The following LARGE1 variants were observed in gnomAD, a reference collection of about 807,000 sequenced individuals.
LARGE1 encodes xylosyl- and glucuronyltransferase LARGE1.
In LARGE1, 43 loss-of-function variants were observed where a neutral mutation model predicts 87.6. The observed-to-expected ratio is 0.49, with a 90% CI of 0.38 to 0.63. The LOEUF (loss-of-function observed/expected upper bound fraction) is 0.63, where lower values mean the gene tolerates loss of function less well. LARGE1 is among the 30% of genes least tolerant of loss of function. The pLI, the probability that LARGE1 is intolerant of heterozygous loss-of-function variation, is 0.00. For missense variants in LARGE1, 802 were observed against 1,000.2 expected (o/e 0.80, Z 2.67); for synonymous variants, 434 against 394.6 (o/e 1.10, Z -1.18).
intron 7 of LARGE1, among the ~76,000 whole-genome samples, chr22:33,401,070 A>G (rs1189573411): frequency 6.6e-6 from 1 of 151,852 alleles, no homozygotes; most frequent in Non-Finnish European, 1.5e-5. Context: ...TCTCCCTCGC[A>G]CACTCTCGCA....
chr22:33,532,921 A>G (rs1337131358), intron 6 of LARGE1, among the ~76,000 whole-genome samples: 1 of 152,244 alleles, frequency 6.6e-6, no homozygotes, highest in East Asian at 1.9e-4. Flanking sequence ...CCAAAGGGCC[A>G]GTACAGAGCA....
Position 33,304,408 on chromosome 22 carries a change from T to G in LARGE1, c.1551A>C (p.Ala517=). ...GGCTCATAAGCACCTCAGAGCCCTG[T>G]GCGTAGCGGAGGAACTGCTGGGCCT... The part of the protein sequence containing the change: ...DAEAQQFLRY[A]QGSEVLMSRH... The change falls in exon 12 of 15, where the codon GCA becomes GCC. Residue 517 remains alanine (A), a synonymous_variant. Transcript: ENST00000397394. The G allele has an allele frequency of 6.2e-7, 1 of 1,614,246 alleles. No individual in the cohort carries two copies. The highest frequency in any genetic ancestry group is 8.5e-7 in the Non-Finnish European group (1 of 1,180,048).
At chr22:33,717,268 AT>A (rs1384807851) in intron 2 of LARGE1, among the ~76,000 whole-genome samples, 1 of 152,158 alleles carries the variant, frequency 6.6e-6, no homozygotes, top group African/African-American at 2.4e-5. Context: ...TTCTTGCAAT[AT>A]CCAACGAAAC....
At chr22:33,882,048 T>TG (rs1482518402) in intron 1 of LARGE1, among the ~76,000 whole-genome samples, 1 of 150,112 alleles carries the variant, frequency 6.7e-6, no homozygotes, top group Non-Finnish European at 1.5e-5. Flanking sequence ...TTTTTTTGTT[T>TG]TTTTTTTTTT....
intron 11 of LARGE1, among the ~76,000 whole-genome samples, chr22:33,315,360 C>T (rs776283385): frequency 6.6e-6 from 1 of 152,114 alleles, no homozygotes; most frequent in South Asian, 2.1e-4. Context: ...TACATCAGGG[C>T]GGGGCTCATG....
intron 11 of LARGE1, among the ~76,000 whole-genome samples, chr22:33,307,845 T>A (rs958272628): frequency 6.6e-6 from 1 of 151,858 alleles, no homozygotes; most frequent in African/African-American, 2.4e-5. Flanking sequence ...CTCGGCTCAC[T>A]GCAACCTCTA....
chr22:33,383,348 T>G (rs1386794162), intron 8 of LARGE1, among the ~76,000 whole-genome samples: 2 of 151,926 alleles, frequency 1.3e-5, no homozygotes, highest in African/African-American at 2.4e-5. Flanking sequence ...TCATCTGAGG[T>G]CAGGAGTTCA....
intron 3 of LARGE1, among the ~76,000 whole-genome samples, chr22:33,645,254 C>G (rs1377085350): frequency 6.6e-6 from 1 of 152,048 alleles, no homozygotes; most frequent in Non-Finnish European, 1.5e-5. Context: ...ATATATAGAC[C>G]AATGAAACAG....
intron 1 of LARGE1, among the ~76,000 whole-genome samples, chr22:33,897,943 T>C (rs1218455507): frequency 6.6e-6 from 1 of 152,204 alleles, no homozygotes; most frequent in Non-Finnish European, 1.5e-5. Context: ...TTTTATGATT[T>C]GCTTGGGAGG....
At chr22:33,104,879 GACTTTCTCTCTCTTTCTTTCTTTCTT>G in the LARGE1 span, among the ~76,000 whole-genome samples, 1 of 92,402 alleles carries the variant, frequency 1.1e-5, no homozygotes, top group East Asian at 2.7e-4. Context: ...GACTTCAATA[GACTTTCTCTCTCTTTCTTTCTTTCTT>G]TCTTTCTTTC....
intron 5 of LARGE1, among the ~76,000 whole-genome samples, chr22:33,586,110 C>T (rs911025855): frequency 6.6e-6 from 1 of 152,188 alleles, no homozygotes; most frequent in Admixed American, 6.5e-5. Flanking sequence ...GGTCCCAGTT[C>T]CTTCAGGATT....
intron 7 of LARGE1, among the ~76,000 whole-genome samples, chr22:33,413,590 G>A (rs980540324): frequency 6.6e-6 from 1 of 152,068 alleles, no homozygotes; most frequent in African/African-American, 2.4e-5. Context: ...TCAGCCTCCT[G>A]AGTACCCGGG....
intron 2 of LARGE1, among the ~76,000 whole-genome samples, chr22:33,741,053 A>C (rs2083862371): frequency 6.6e-6 from 1 of 152,246 alleles, no homozygotes; most frequent in African/African-American, 2.4e-5. Context: ...AATAGAAGGA[A>C]AATTGCAAAT....
chr22:33,190,511 C>A (rs1453284974), intron 11 of LARGE1, among the ~76,000 whole-genome samples: 1 of 152,190 alleles, frequency 6.6e-6, no homozygotes, highest in Non-Finnish European at 1.5e-5. Context: ...CACATTTGCA[C>A]AGCTCTGAAA....
chr22:33,373,892 T>C (rs976354527), intron 9 of LARGE1, among the ~76,000 whole-genome samples: 11 of 143,368 alleles, frequency 7.7e-5, no homozygotes, highest in African/African-American at 3.0e-4. Context: ...GAGAATCACT[T>C]GAACCCGGGA....
intron 1 of LARGE1, among the ~76,000 whole-genome samples, chr22:33,825,088 T>C (rs2062741402): frequency 1.3e-5 from 2 of 152,162 alleles, no homozygotes; most frequent in Admixed American, 6.6e-5. Flanking sequence ...AGTTGATCAG[T>C]CGATGAGCAA....
At chr22:33,541,247 C>G (rs2077199743) in intron 6 of LARGE1, among the ~76,000 whole-genome samples, 1 of 148,584 alleles carries the variant, frequency 6.7e-6, no homozygotes, top group South Asian at 2.2e-4. Context: ...TTAATTGGAT[C>G]ACCAAGATTA....
At chr22:33,087,303 C>T in the LARGE1 span, among the ~76,000 whole-genome samples, 2 of 151,686 alleles carry the variant, frequency 1.3e-5, no homozygotes, top group Non-Finnish European at 2.9e-5. Flanking sequence ...ATAACAAGTT[C>T]TTCAATTTAA....
chr22:33,092,433 C>CTTCTT, the LARGE1 span, among the ~76,000 whole-genome samples: 1 of 151,766 alleles, frequency 6.6e-6, no homozygotes, highest in Admixed American at 6.6e-5. Context: ...AAAGTGTGGA[C>CTTCTT]TTCTTTTCTT....
Sources: allele counts gnomAD v4.1 joint callset (sites outside exome capture counted in the v4.1 genomes callset), GRCh38; gene constraint gnomAD v4.1.1; transcripts MANE v1.5; gene names NCBI Gene and HGNC (gene_info 2026-07-23, HGNC 2026-07-21).